The following CLEC18B variants were observed in gnomAD, a reference collection of about 807,000 sequenced individuals.
CLEC18B encodes mannose receptor-like 2.
Under a neutral mutation model 60.4 loss-of-function variants are expected in CLEC18B, and 5 were observed. The ratio of observed to expected loss-of-function variants is 0.08; its 90% CI spans 0.04 to 0.17. The LOEUF (loss-of-function observed/expected upper bound fraction) is 0.17, where lower values mean the gene tolerates loss of function less well. CLEC18B is among the 10% of genes least tolerant of loss of function. CLEC18B has a pLI of 1.00. For missense variants in CLEC18B, 26 were observed against 572.8 expected (o/e 0.05, Z 9.74); for synonymous variants, 16 against 221.2 (o/e 0.07, Z 8.23).
intron 10 of CLEC18B, among the ~76,000 whole-genome samples, chr16:74,410,335 C>G (rs1457235261): frequency 7.9e-5 from 12 of 151,340 alleles, no homozygotes; most frequent in African/African-American, 2.9e-4. Flanking sequence ...CTCTCCCCCA[C>G]GTGACGTGCC....
chr16:74,421,123 A>G, intron 1 of CLEC18B, 24 bp downstream of exon 1: 1 of 1,575,952 alleles, frequency 6.3e-7, no homozygotes, highest in South Asian at 1.2e-5. Context: ...GCCTCCACCT[A>G]CCTCCTCACC....
intron 10 of CLEC18B, among the ~76,000 whole-genome samples, chr16:74,410,332 C>T (rs2013076612): frequency 6.6e-6 from 1 of 152,262 alleles, no homozygotes; most frequent in Non-Finnish European, 1.5e-5. Context: ...CCTCTCTCCC[C>T]CACGTGACGT....
chr16:74,422,787 C>T (rs1156910984), upstream of CLEC18B, among the ~76,000 whole-genome samples: 1 of 152,240 alleles, frequency 6.6e-6, no homozygotes, highest in East Asian at 1.9e-4. Flanking sequence ...ACCTCAGCCT[C>T]CCAAGTAGCT....
chr16:74,413,563 G>A lies in CLEC18B; in HGVS notation c.554+16C>T. On this transcript the variant is annotated intron_variant, in intron 4 of 11. Transcript: ENST00000682950. Reference sequence around the variant, plus strand: ...TGTCTCCCAGACATCCCAGCAGAAGGTGTAGCAGGGCTTACCCGGGGGAGT... The same window carrying A: ...TGTCTCCCAGACATCCCAGCAGAAGATGTAGCAGGGCTTACCCGGGGGAGT... 3.7e-6 allele frequency: 6 copies of A among 1,614,086 alleles called. No individual in the cohort carries two copies. The highest frequency in any genetic ancestry group is 3.3e-5 in the South Asian group (3 of 91,084).
intron 1 of CLEC18B, among the ~76,000 whole-genome samples, 195 bp downstream of exon 1, chr16:74,420,952 C>T (rs2013655936): frequency 1.1e-5 from 1 of 91,896 alleles, no homozygotes; most frequent in Admixed American, 1.4e-4. Context: ...CCTCCTTCCT[C>T]CTCCTTCCTC....
chr16:74,411,877 T>C lies in CLEC18B; in HGVS notation c.878-102A>G, dbSNP rs1165754629. ...CAGGGTGCCCCTTCCTCTGGCCACCTGCTCCAAAAGAGTGGGTGGTGAGGG... is the reference window on the plus strand; with the variant it reads ...CAGGGTGCCCCTTCCTCTGGCCACCCGCTCCAAAAGAGTGGGTGGTGAGGG... On this transcript the variant is annotated intron_variant, in intron 7 of 11. Coordinates refer to ENST00000682950, the MANE Select transcript of CLEC18B (RefSeq NM_001385193.1). 457 of 1,025,442 alleles carry C rather than the reference T, an allele frequency of 4.5e-4. No individual in the cohort carries two copies. In the African/African-American group the frequency reaches 6.4e-3, roughly 14 times the overall value. 63.5% of individuals were successfully genotyped at this position (1,025,442 alleles called of 1,614,324 possible). A position where few individuals can be genotyped will look rare whatever the true frequency, so the allele number is the denominator to read the frequency against.
Position 74,418,089 on chromosome 16 carries a change from A to G in CLEC18B, c.426T>C (p.Ala142=), listed in dbSNP as rs1278509258. 2 of 1,592,536 alleles carry G rather than the reference A, an allele frequency of 1.3e-6. No individual in the cohort carries two copies. The highest frequency in any genetic ancestry group is 3.8e-5 in the Admixed American group (2 of 52,726). The change falls in exon 3 of 12, where the codon GCT becomes GCC. Residue 142 remains alanine, a synonymous_variant. Coordinates refer to ENST00000682950, the MANE Select transcript of CLEC18B (RefSeq NM_001385193.1). Reference sequence around the variant, plus strand: ...TGTAGTGGGTGCAGGTGGCGTTGCGAGCACACTCTCCTGCCGCGTGGCTGT... The same window carrying G: ...TGTAGTGGGTGCAGGTGGCGTTGCGGGCACACTCTCCTGCCGCGTGGCTGT... The part of the protein sequence containing the change: ...QRYSHAAGEC[A]RNATCTHYTQ...
upstream of CLEC18B, among the ~76,000 whole-genome samples, chr16:74,423,620 C>T (rs1175664738): frequency 1.6e-4 from 24 of 151,768 alleles, no homozygotes; most frequent in African/African-American, 4.6e-4. Flanking sequence ...ATCTGGGAGG[C>T]GGAGGTTGCA....
chr16:74,413,849 C>CTTGCTTATTTAT (rs10676553), intron 3 of CLEC18B, among the ~76,000 whole-genome samples, 173 bp from the exon 4 acceptor site: 2 of 149,352 alleles, frequency 1.3e-5, no homozygotes, highest in Admixed American at 6.7e-5. Flanking sequence ...TTCAGGAAGG[C>CTTGCTTATTTAT]TTATTTATTT....
In CLEC18B at chr16:74,421,293, G is replaced by T. The variant is rs2549230; in HGVS notation, c.-23C>A. ...CATGGGTCTGTTGGGCCCGTCAGGC[G>T]CTCCGTGCACAGCCTGGCTCAGCCA... On this transcript the variant is annotated 5_prime_UTR_variant, in exon 1 of 12. Coordinates refer to ENST00000682950, the MANE Select transcript of CLEC18B (RefSeq NM_001385193.1). The T allele has an allele frequency of 6.2e-7, 1 of 1,610,012 alleles. No homozygotes were observed. Among genetic ancestry groups the T allele is most frequent in the East Asian group, 2.2e-5 (1 of 44,710 alleles).
chr16:74,414,218 A>G (rs1302755584), intron 3 of CLEC18B, among the ~76,000 whole-genome samples: 1 of 152,302 alleles, frequency 6.6e-6, no homozygotes, highest in Non-Finnish European at 1.5e-5. Flanking sequence ...GAGGGGAGGT[A>G]CCTGAAATGA....
intron 10 of CLEC18B, chr16:74,409,902 A>T (rs2013046611): frequency 6.2e-7 from 1 of 1,611,972 alleles, no homozygotes; most frequent in Admixed American, 1.7e-5. Flanking sequence ...GGGGATTGGA[A>T]TAGACAGCCC....
upstream of CLEC18B, among the ~76,000 whole-genome samples, chr16:74,423,104 T>C (rs1371981097): frequency 1.5e-5 from 2 of 132,196 alleles, no homozygotes; most frequent in Non-Finnish European, 3.2e-5. Flanking sequence ...TCTAAGGGGC[T>C]TGTCCAAGGT....
chr16:74,423,702 CA>C (rs377282706), upstream of CLEC18B, among the ~76,000 whole-genome samples: 4,801 of 101,998 alleles, frequency 0.047, 10 homozygotes, highest in South Asian at 0.088. Flanking sequence ...CCCGACCCCT[CA>C]AAAAAAAAAA....
chr16:74,413,414 A>G (rs1233534056), intron 4 of CLEC18B, among the ~76,000 whole-genome samples, 165 bp downstream of exon 4: 2 of 152,266 alleles, frequency 1.3e-5, no homozygotes, highest in East Asian at 3.8e-4. Context: ...CGTGGCCAGA[A>G]TCTTTAGCAC....
chr16:74,418,751 C>T (rs1445068211), intron 2 of CLEC18B, among the ~76,000 whole-genome samples: 1 of 152,202 alleles, frequency 6.6e-6, no homozygotes, highest in Admixed American at 6.5e-5. Context: ...AGGAGCCTGG[C>T]CTCATATGCT....
At position 74,413,092 on chromosome 16, in the gene CLEC18B, G is replaced by T. The variant is rs1204945503; in HGVS notation, c.621C>A (p.Cys207Ter). Residue 207 changes from cysteine to a stop codon, truncating the protein, a stop_gained, in exon 5 of 12, where the codon TGC (cysteine) becomes TGA (stop). Coordinates refer to ENST00000682950, the MANE Select transcript of CLEC18B (RefSeq NM_001385193.1). LOFTEE classifies it high-confidence loss of function. ...PYKKGAWCSL[C>*]TASVSGCFKA... ...TGAAGCAGCCTGAGACACTGGCTGT[G>T]CAGAGCGAACACCAGGCACCCTTCT... The T allele has an allele frequency of 6.2e-7, 1 of 1,611,992 alleles. No homozygotes were observed. Among genetic ancestry groups the T allele is most frequent in the African/African-American group, 1.3e-5 (1 of 74,884 alleles).
intron 3 of CLEC18B, among the ~76,000 whole-genome samples, chr16:74,415,314 AG>A (rs1284573596): frequency 7.8e-5 from 10 of 128,598 alleles, no homozygotes; most frequent in African/African-American, 3.0e-4. Flanking sequence ...AAAATTAGCC[AG>A]GCATGGTGGC....
At chr16:74,411,913 G>T (rs2013177024) in intron 7 of CLEC18B, 138 bp from the exon 8 acceptor site, 11 of 1,190,728 alleles carry the variant, frequency 9.2e-6, no homozygotes, top group Admixed American at 7.7e-5. Flanking sequence ...TCAGGAGTGA[G>T]CTGGTCAGTT....
Sources: gnomAD v4.1 joint callset for allele counts (sites outside exome capture counted in the v4.1 genomes callset) on GRCh38, gnomAD v4.1.1 for gene constraint, MANE v1.5 for transcripts, NCBI Gene and HGNC (gene_info 2026-07-23, HGNC 2026-07-21) for gene names.